The following RPS6KC1 variants were observed in gnomAD, a reference collection of about 807,000 sequenced individuals.
The protein encoded by RPS6KC1 is inactive ribosomal protein S6 kinase delta-1.
RPS6KC1 carries 54 observed loss-of-function variants against 103.8 expected under a neutral mutation model. The observed-to-expected ratio is 0.52, with a 90% confidence interval of 0.42 to 0.65. The LOEUF is 0.65. RPS6KC1 is among the 30% of genes least tolerant of loss of function. RPS6KC1 has a pLI of 0.00. For missense variants in RPS6KC1, 1,151 were observed against 1,253.8 expected, an observed-to-expected ratio of 0.92 and a Z score of 1.24; for synonymous variants, 439 against 438.7, an observed-to-expected ratio of 1.00 and a Z score of -0.01.
intron 8 of RPS6KC1, among the ~76,000 whole-genome samples, chr1:213,192,594 A>G (rs537741980): frequency 4.6e-5 from 7 of 152,074 alleles, no homozygotes; most frequent in South Asian, 4.2e-4. Flanking sequence ...TTATGGTTCA[A>G]TCTTGGTAGG....
the RPS6KC1 span, among the ~76,000 whole-genome samples, chr1:213,400,705 TTC>T: frequency 6.6e-6 from 1 of 151,734 alleles, no homozygotes; most frequent in African/African-American, 2.4e-5. Context: ...CCTTTTTTCT[TTC>T]TCTCTTTTTT....
chr1:213,244,519 A>G (rs2094422366), intron 12 of RPS6KC1, among the ~76,000 whole-genome samples: 1 of 152,076 alleles, frequency 6.6e-6, no homozygotes, highest in Non-Finnish European at 1.5e-5. Context: ...ATTGGAAACT[A>G]TCTGTAAATT....
chr1:213,067,462 T>C (rs1477400033), intron 1 of RPS6KC1, among the ~76,000 whole-genome samples: 1 of 152,192 alleles, frequency 6.6e-6, no homozygotes, highest in East Asian at 1.9e-4. Flanking sequence ...ACTTTTATTA[T>C]CATGAAGACA....
the RPS6KC1 span, among the ~76,000 whole-genome samples, chr1:213,336,803 T>C: frequency 6.6e-6 from 1 of 152,200 alleles, no homozygotes; most frequent in African/African-American, 2.4e-5. Context: ...CTCTGTTCTT[T>C]GTTGTCACCC....
Position 213,261,552 on chromosome 1 carries a change from G to C in RPS6KC1, c.2912-6G>C, listed in dbSNP as rs1316695840. 2 of 1,612,898 alleles carry C rather than the reference G, an allele frequency of 1.2e-6. No individual in the cohort carries two copies. Among genetic ancestry groups the C allele is most frequent in the African/African-American group, 1.3e-5 (1 of 74,852 alleles). On this transcript the variant is annotated splice_region_variant and splice_polypyrimidine_tract_variant and intron_variant, in intron 12 of 14. Transcript: ENST00000366960. The stretch of plus-strand genomic sequence containing the variant: ...TTTTAATATCAACCTTTTTTGGTGT[G>C]GTTAGAGGTTGGAGCAATCACTGAA...
At chr1:213,308,537 C>T in the RPS6KC1 span, among the ~76,000 whole-genome samples, 1 of 152,144 alleles carries the variant, frequency 6.6e-6, no homozygotes. Context: ...CCATATTTGG[C>T]ACTAGATATT....
chr1:213,059,154 C>T (rs564995200), intron 1 of RPS6KC1, among the ~76,000 whole-genome samples: 12 of 152,208 alleles, frequency 7.9e-5, no homozygotes, highest in South Asian at 6.2e-4. Flanking sequence ...ATGTGCACAA[C>T]GTGCAGGTTA....
At chr1:213,674,115 G>T in the RPS6KC1 span, among the ~76,000 whole-genome samples, 4 of 152,120 alleles carry the variant, frequency 2.6e-5, no homozygotes, top group South Asian at 2.1e-4. Flanking sequence ...GCTTCCTAGG[G>T]TCAAGTGATT....
the RPS6KC1 span, among the ~76,000 whole-genome samples, chr1:213,487,224 G>A: frequency 2.6e-5 from 4 of 152,078 alleles, no homozygotes; most frequent in African/African-American, 7.2e-5. Context: ...GCAACATGGC[G>A]AATCCCTGTC....
At chr1:213,228,468 C>A (rs2148840638) in intron 8 of RPS6KC1, among the ~76,000 whole-genome samples, 1 of 152,118 alleles carries the variant, frequency 6.6e-6, no homozygotes, top group South Asian at 2.1e-4. Flanking sequence ...TCCCTGTAAT[C>A]TCAGCACTTT....
chr1:213,073,285 C>T (rs1447678562), intron 2 of RPS6KC1, among the ~76,000 whole-genome samples: 1 of 152,182 alleles, frequency 6.6e-6, no homozygotes, highest in Non-Finnish European at 1.5e-5. Flanking sequence ...ACTAGATGTA[C>T]TGATAGTTTA....
chr1:213,281,265 A>G, the RPS6KC1 span, among the ~76,000 whole-genome samples: 1 of 152,208 alleles, frequency 6.6e-6, no homozygotes, highest in Non-Finnish European at 1.5e-5. Context: ...TTTCAAGTGT[A>G]AGGCTCCGAG....
the RPS6KC1 span, among the ~76,000 whole-genome samples, chr1:213,650,142 C>T: frequency 6.6e-6 from 1 of 152,124 alleles, no homozygotes; most frequent in Non-Finnish European, 1.5e-5. Flanking sequence ...CCCTATGTTG[C>T]CCAACCAGAG....
the RPS6KC1 span, among the ~76,000 whole-genome samples, chr1:213,574,948 T>C: frequency 2.1e-3 from 323 of 151,676 alleles, no homozygotes; most frequent in African/African-American, 7.5e-3. Flanking sequence ...ACAGGCTGGA[T>C]TGGAGGAGGT....
chr1:213,335,694 A>G, the RPS6KC1 span, among the ~76,000 whole-genome samples: 1 of 152,222 alleles, frequency 6.6e-6, no homozygotes, highest in Non-Finnish European at 1.5e-5. Context: ...ATGGGGAAAT[A>G]TAGGTTTTAT....
At chr1:213,442,919 C>G in the RPS6KC1 span, among the ~76,000 whole-genome samples, 11 of 151,904 alleles carry the variant, frequency 7.2e-5, no homozygotes, top group South Asian at 2.1e-3. Context: ...CAGGAGTGGG[C>G]ACCCAAAACC....
chr1:213,077,066 C>A (rs889520468), intron 2 of RPS6KC1, among the ~76,000 whole-genome samples: 4 of 152,130 alleles, frequency 2.6e-5, no homozygotes, highest in Non-Finnish European at 4.4e-5. Context: ...GATGGGGTTT[C>A]ACCATGTTGG....
chr1:213,063,705 A>T (rs2148380454), intron 1 of RPS6KC1, among the ~76,000 whole-genome samples: 1 of 152,342 alleles, frequency 6.6e-6, no homozygotes, highest in Non-Finnish European at 1.5e-5. Context: ...AATACTATGT[A>T]TCTTCCTTTT....
At chr1:213,251,266 C>G (rs1029137553) in intron 12 of RPS6KC1, among the ~76,000 whole-genome samples, 12 of 152,032 alleles carry the variant, frequency 7.9e-5, no homozygotes, top group African/African-American at 2.9e-4. Flanking sequence ...ACCACCATGC[C>G]CTGGCTAATT....
Sources: allele counts gnomAD v4.1 joint callset (sites outside exome capture counted in the v4.1 genomes callset), GRCh38; gene constraint gnomAD v4.1.1; transcripts MANE v1.5; gene names NCBI Gene and HGNC (gene_info 2026-07-23, HGNC 2026-07-21).